Variants in ZMYM6 observed in about 807,000 individuals in gnomAD.
ZMYM6 encodes zinc finger MYM-type protein 6.
A neutral mutation model predicts 134.0 loss-of-function variants in ZMYM6; 90 were observed. The ratio of observed to expected loss-of-function variants is 0.67; its 90% CI spans 0.57 to 0.80. ZMYM6 has a LOEUF of 0.80. Ranked by LOEUF, ZMYM6 falls within the 30% of genes least tolerant of loss-of-function variation. The pLI is 0.00. For synonymous variants in ZMYM6, 481 were observed against 524.1 expected, an observed-to-expected ratio of 0.92 and a Z score of 1.12; for missense variants, 1,362 against 1,533.9, an observed-to-expected ratio of 0.89 and a Z score of 1.87.
At chr1:35,025,469 A>C (rs1641394039) in intron 2 of ZMYM6, among the ~76,000 whole-genome samples, 4 of 140,276 alleles carry the variant, frequency 2.9e-5, no homozygotes, top group African/African-American at 3.0e-5. Flanking sequence ...TCCATCCCAA[A>C]AAAAAAAAAA....
At chr1:35,008,984 A>T in intron 10 of ZMYM6, 60 bp from the exon 11 acceptor site, 1 of 1,540,918 alleles carries the variant, frequency 6.5e-7, no homozygotes, top group East Asian at 2.3e-5. Flanking sequence ...AGGAGGTATA[A>T]TAAGTTTCTG....
Position 35,010,438 on chromosome 1 carries a change from T to G in ZMYM6, c.1492+9A>C. 6.2e-7 allele frequency: 1 copy of G among 1,600,596 alleles called. No homozygotes were observed. On this transcript the variant is annotated intron_variant, in intron 10 of 15. Coordinates refer to ENST00000357182, the MANE Select transcript of ZMYM6 (RefSeq NM_007167.4). Reference sequence around the variant, plus strand: ...CCATGCTCTGTGAATAAAACAACTTTGTCTTTACCTTCACTACAGAATGGC... The same window carrying G: ...CCATGCTCTGTGAATAAAACAACTTGGTCTTTACCTTCACTACAGAATGGC...
At chr1:35,028,270 C>T (rs1055888354) in intron 2 of ZMYM6, among the ~76,000 whole-genome samples, 15 of 149,464 alleles carry the variant, frequency 1.0e-4, no homozygotes, top group African/African-American at 3.2e-4. Flanking sequence ...GAGCCAAGAT[C>T]GCGCCACTGC....
At chr1:35,014,933 A>G in intron 5 of ZMYM6, 45 bp from the exon 6 acceptor site, 1 of 1,607,850 alleles carries the variant, frequency 6.2e-7, no homozygotes, top group South Asian at 1.1e-5. Context: ...AAGCAGAGCC[A>G]GTTAAAAAAA....
chr1:34,992,920 G>A (rs1309594199), intron 14 of ZMYM6, among the ~76,000 whole-genome samples: 1 of 145,658 alleles, frequency 6.9e-6, no homozygotes, highest in Non-Finnish European at 1.5e-5. Flanking sequence ...TTTAAAATAA[G>A]TATGATCAAA....
At position 34,992,330 on chromosome 1, in the gene ZMYM6, T is replaced by C. The variant is rs959305332; in HGVS notation, c.2050A>G (p.Arg684Gly). The part of the protein sequence containing the change: ...FPSSQSSQPS[R>G]LLKNKGISCK... The stretch of plus-strand genomic sequence containing the variant: ...GATATGCCTTTGTTCTTTAAAAGCC[T>C]GGAAGGCTGGGAAGATTGGGAAGAT... Residue 684 changes from arginine (R) to glycine (G), a missense_variant, in exon 15 of 16, where the codon AGG becomes GGG. Physicochemically the swap from Arg to Gly is moderately radical, Grantham distance 125. This residue lies in a region of ZMYM6 where 824 missense variants were observed against 940.9 expected (regional missense o/e 0.88). Transcript: ENST00000357182. 2 of 1,613,980 alleles carry C rather than the reference T, an allele frequency of 1.2e-6. No homozygotes were observed. Among genetic ancestry groups the C allele is most frequent in the Admixed American group, 1.7e-5 (1 of 59,996 alleles).
chr1:34,987,171 G>C lies in ZMYM6; in HGVS notation c.3911C>G (p.Pro1304Arg). 1 of 1,604,352 alleles carries C rather than the reference G, an allele frequency of 6.2e-7. No homozygotes were observed. The highest frequency in any genetic ancestry group is 8.5e-7 in the Non-Finnish European group (1 of 1,176,960). The change falls in exon 16 of 16, where the codon CCT (proline) becomes CGT (arginine). Residue 1304 changes from proline to arginine, a missense_variant. Around this residue, in one of 3 missense-constraint regions of ZMYM6, gnomAD observed 824 missense variants for 940.9 expected, o/e 0.88. Transcript: ENST00000357182. Reference protein sequence around the residue: ...SKQKNLLGSGPALRLAVTSLI... With the variant: ...SKQKNLLGSGRALRLAVTSLI... Reference sequence around the variant, plus strand: ...AGATGTGACTGCAAGTCTTAGGGCAGGGCCAGAACCCAACAGATTTTTTTG... The same window carrying C: ...AGATGTGACTGCAAGTCTTAGGGCACGGCCAGAACCCAACAGATTTTTTTG...
intron 14 of ZMYM6, among the ~76,000 whole-genome samples, chr1:34,995,645 G>C (rs953623007): frequency 2.0e-5 from 3 of 152,118 alleles, no homozygotes; most frequent in South Asian, 2.1e-4. Flanking sequence ...GGATATGCTA[G>C]ACAGAGATGA....
chr1:35,021,824 C>T (rs1345709257), intron 2 of ZMYM6, among the ~76,000 whole-genome samples: 1 of 151,996 alleles, frequency 6.6e-6, no homozygotes, highest in African/African-American at 2.4e-5. Context: ...CGTTTTAAAA[C>T]AAAATGTAAT....
intron 15 of ZMYM6, among the ~76,000 whole-genome samples, chr1:34,991,787 CAAACAAAA>C (rs1640679703): frequency 6.6e-6 from 1 of 151,484 alleles, no homozygotes; most frequent in African/African-American, 2.4e-5. Context: ...AACAAACAAA[CAAACAAAA>C]AAAAACCCAG....
chr1:35,028,247 C>T (rs1641450027), intron 2 of ZMYM6, among the ~76,000 whole-genome samples: 1 of 149,014 alleles, frequency 6.7e-6, no homozygotes, highest in Admixed American at 6.7e-5. Context: ...ACCTGGGAGG[C>T]GGAGGTTGCA....
chr1:35,013,784 C>A (rs6678660), intron 6 of ZMYM6: 1 of 530,390 alleles, frequency 1.9e-6, no homozygotes, highest in Non-Finnish European at 2.4e-6. Flanking sequence ...CTCCACCTCC[C>A]GGGTTCAAGC....
intron 14 of ZMYM6, among the ~76,000 whole-genome samples, chr1:34,994,266 T>C (rs1640737172): frequency 6.6e-6 from 1 of 152,086 alleles, no homozygotes; most frequent in Non-Finnish European, 1.5e-5. Flanking sequence ...TTCTAGGTAG[T>C]GATAAGTGCG....
intron 2 of ZMYM6, among the ~76,000 whole-genome samples, chr1:35,026,422 C>T (rs1641416291): frequency 6.6e-6 from 1 of 152,144 alleles, no homozygotes; most frequent in Non-Finnish European, 1.5e-5. Flanking sequence ...GGAGATTCAT[C>T]AATGCAACAT....
At chr1:35,018,883 C>CT (rs1295253545) in intron 4 of ZMYM6, 1 of 167,204 alleles carries the variant, frequency 6.0e-6, no homozygotes, top group African/African-American at 2.4e-5. Flanking sequence ...CTCTCTGCAT[C>CT]TAAGCATTAT....
At chr1:35,030,233 C>T (rs772284706) in intron 2 of ZMYM6, 6 of 204,988 alleles carry the variant, frequency 2.9e-5, no homozygotes, top group Non-Finnish European at 5.8e-5. Flanking sequence ...AGTTTGAGAC[C>T]AGCCTGGGAA....
At chr1:34,991,146 G>T (rs1002581943) in intron 15 of ZMYM6, among the ~76,000 whole-genome samples, 2 of 152,110 alleles carry the variant, frequency 1.3e-5, no homozygotes, top group Non-Finnish European at 2.9e-5. Flanking sequence ...TTATAGGCAT[G>T]AGCCACCACG....
intron 14 of ZMYM6, among the ~76,000 whole-genome samples, chr1:34,998,148 A>G (rs1640815366): frequency 6.6e-6 from 1 of 152,072 alleles, no homozygotes; most frequent in South Asian, 2.1e-4. Context: ...GCGTGGTGGC[A>G]CGCGCCTGTA....
At chr1:35,011,761 A>T in intron 8 of ZMYM6, 129 bp downstream of exon 8, 1 of 569,664 alleles carries the variant, frequency 1.8e-6, no homozygotes, top group Non-Finnish European at 2.7e-6. Flanking sequence ...GGGCCCCTGG[A>T]TGAAACAAAT....
Sources: allele counts gnomAD v4.1 joint callset (sites outside exome capture counted in the v4.1 genomes callset), GRCh38; gene constraint gnomAD v4.1.1; regional missense constraint gnomAD v4.1.1; transcripts MANE v1.5; gene names NCBI Gene and HGNC (gene_info 2026-07-23, HGNC 2026-07-21).